Variants in ASIC2 observed in about 807,000 individuals in gnomAD.
ASIC2 encodes the protein acid-sensing ion channel 2.
In ASIC2, 25 loss-of-function variants were observed where a neutral mutation model predicts 57.3. The observed-to-expected ratio is 0.44, with a 90% CI of 0.32 to 0.61. The LOEUF (loss-of-function observed/expected upper bound fraction) is 0.61. ASIC2 is among the 20% of genes least tolerant of loss of function. The pLI is 0.06. For synonymous variants in ASIC2, 319 were observed against 307.5 expected (o/e 1.04, Z -0.39); for missense variants, 641 against 738.1 (o/e 0.87, Z 1.52).
intron 1 of ASIC2, among the ~76,000 whole-genome samples, chr17:34,111,620 A>T (rs894626772): frequency 6.6e-6 from 1 of 152,152 alleles, no homozygotes; most frequent in Non-Finnish European, 1.5e-5. Context: ...TGATGAGGAA[A>T]TTAGAACAAT....
chr17:33,406,375 C>T (rs2141961896), intron 1 of ASIC2, among the ~76,000 whole-genome samples: 1 of 152,260 alleles, frequency 6.6e-6, no homozygotes, highest in East Asian at 1.9e-4. Context: ...GTGGACGGGG[C>T]ATAAATTATA....
At chr17:34,028,474 C>T (rs779215767) in intron 1 of ASIC2, among the ~76,000 whole-genome samples, 1 of 151,982 alleles carries the variant, frequency 6.6e-6, no homozygotes, top group African/African-American at 2.4e-5. Context: ...AGTGTGTAGT[C>T]TGGTTGGTGT....
chr17:33,068,749 T>C (rs553891583), intron 3 of ASIC2, among the ~76,000 whole-genome samples: 1 of 152,334 alleles, frequency 6.6e-6, no homozygotes, highest in African/African-American at 2.4e-5. Flanking sequence ...TTCTGATCAT[T>C]CTGGTTAGAG....
At chr17:33,074,505 C>T (rs112041302) in intron 3 of ASIC2, among the ~76,000 whole-genome samples, 2,215 of 152,256 alleles carry the variant, frequency 0.015, 49 homozygotes, top group African/African-American at 0.05. Flanking sequence ...GGGTTCCTCA[C>T]GGCATCTGCC....
At chr17:34,094,143 A>G (rs879829407) in intron 1 of ASIC2, among the ~76,000 whole-genome samples, 6 of 152,178 alleles carry the variant, frequency 3.9e-5, no homozygotes, top group Non-Finnish European at 5.9e-5. Flanking sequence ...TGGGACTGAG[A>G]TGCAGACAAG....
rs1021629785 is a variant in ASIC2 at position 33,170,445 on chromosome 17, A to G, written c.709-58378T>C. Among the ~76,000 whole-genome samples, 23 of 152,316 alleles carry G rather than the reference A, an allele frequency of 1.5e-4. 1 individual carries two copies. Among genetic ancestry groups the G allele is most frequent in the African/African-American group, 5.5e-4 (23 of 41,570 alleles). On this transcript the variant is annotated intron_variant, in intron 1 of 9. Transcript: ENST00000225823. Reference sequence around the variant, plus strand: ...TGGGAGGTCAGACAAAGATAAAGGCACAAGTAGGAAAAAAATCTACCACTG... The same window carrying G: ...TGGGAGGTCAGACAAAGATAAAGGCGCAAGTAGGAAAAAAATCTACCACTG...
chr17:33,453,347 T>C (rs1912334474), intron 1 of ASIC2, among the ~76,000 whole-genome samples: 2 of 151,836 alleles, frequency 1.3e-5, no homozygotes, highest in Non-Finnish European at 2.9e-5. Flanking sequence ...TTTTCCATAA[T>C]CTTTTATACG....
At chr17:33,967,289 A>G (rs1905103667) in intron 1 of ASIC2, among the ~76,000 whole-genome samples, 1 of 152,078 alleles carries the variant, frequency 6.6e-6, no homozygotes, top group African/African-American at 2.4e-5. Context: ...AGGCTGGAGT[A>G]CAGTGGTACA....
intron 1 of ASIC2, among the ~76,000 whole-genome samples, chr17:33,576,171 G>A (rs1213570453): frequency 6.6e-6 from 1 of 152,110 alleles, no homozygotes; most frequent in Admixed American, 6.5e-5. Context: ...TTGGCTTTCA[G>A]GCTTGCATTC....
intron 1 of ASIC2, among the ~76,000 whole-genome samples, chr17:33,914,750 G>T (rs919625874): frequency 6.6e-6 from 1 of 152,170 alleles, no homozygotes; most frequent in Non-Finnish European, 1.5e-5. Context: ...ATTTTTCAAT[G>T]ACCTCAAGAT....
intron 1 of ASIC2, among the ~76,000 whole-genome samples, chr17:33,954,173 C>T (rs1904663407): frequency 6.6e-6 from 1 of 152,204 alleles, no homozygotes; most frequent in Non-Finnish European, 1.5e-5. Context: ...ACACTGTTGC[C>T]TACCCAGCAT....
chr17:33,538,488 A>G (rs1567643493), intron 1 of ASIC2, among the ~76,000 whole-genome samples: 2 of 152,188 alleles, frequency 1.3e-5, no homozygotes, highest in Non-Finnish European at 2.9e-5. Flanking sequence ...GAGAACACCA[A>G]GAAGGACTGA....
intron 1 of ASIC2, among the ~76,000 whole-genome samples, chr17:33,374,664 C>G (rs1437737152): frequency 6.6e-6 from 1 of 152,170 alleles, no homozygotes; most frequent in Non-Finnish European, 1.5e-5. Flanking sequence ...CAGGTAATTA[C>G]AGTTCTCTCA....
intron 1 of ASIC2, among the ~76,000 whole-genome samples, chr17:33,561,067 T>C (rs1296030683): frequency 6.6e-6 from 1 of 152,106 alleles, no homozygotes; most frequent in Non-Finnish European, 1.5e-5. Flanking sequence ...CATAGGGTAA[T>C]GAATGCAGTG....
At chr17:33,540,573 G>A (rs1449999851) in intron 1 of ASIC2, among the ~76,000 whole-genome samples, 5 of 152,114 alleles carry the variant, frequency 3.3e-5, no homozygotes, top group African/African-American at 1.2e-4. Context: ...TTTATTATAA[G>A]GGCAAGGAGT....
chr17:33,111,709 C>T, intron 2 of ASIC2: 1 of 584,676 alleles, frequency 1.7e-6, no homozygotes, highest in Non-Finnish European at 2.7e-6. Flanking sequence ...TTCCCATCCT[C>T]TGTCCCTCTC....
chr17:34,033,580 CT>C (rs1907722827), intron 1 of ASIC2, among the ~76,000 whole-genome samples: 1 of 151,886 alleles, frequency 6.6e-6, no homozygotes, highest in African/African-American at 2.4e-5. Context: ...CCGGGAGTTG[CT>C]TTTTGAAAAG....
chr17:33,179,458 C>A (rs1905892936), intron 1 of ASIC2, among the ~76,000 whole-genome samples: 1 of 152,166 alleles, frequency 6.6e-6, no homozygotes, highest in Non-Finnish European at 1.5e-5. Flanking sequence ...TCAAAAGGAT[C>A]CCTGAAACAG....
intron 1 of ASIC2, among the ~76,000 whole-genome samples, chr17:33,763,733 G>A (rs1357678312): frequency 1.3e-5 from 2 of 152,184 alleles, no homozygotes; most frequent in African/African-American, 4.8e-5. Flanking sequence ...CCCAGAGTGA[G>A]TGAGGATGGT....
Sources: allele counts gnomAD v4.1 joint callset (sites outside exome capture counted in the v4.1 genomes callset), GRCh38; gene constraint gnomAD v4.1.1; transcripts MANE v1.5; gene names NCBI Gene and HGNC (gene_info 2026-07-23, HGNC 2026-07-21).